Variants in IMPG2 observed in about 807,000 individuals in gnomAD.
IMPG2 encodes interphotoreceptor matrix proteoglycan 2, also known as IPM 200.
IMPG2 carries 91 observed loss-of-function variants against 129.2 expected under a neutral mutation model. That is an observed-to-expected ratio of 0.70 (90% CI 0.59 to 0.84). The LOEUF (loss-of-function observed/expected upper bound fraction) is 0.84, where lower values mean the gene tolerates loss of function less well. IMPG2 is among the 40% of genes least tolerant of loss of function. IMPG2 has a pLI of 0.00. For missense variants in IMPG2, 1,430 were observed against 1,461.7 expected (o/e 0.98, Z 0.35); for synonymous variants, 510 against 517.7 (o/e 0.99, Z 0.20).
chr3:101,275,085 G>A (rs971285938), intron 6 of IMPG2, among the ~76,000 whole-genome samples: 8 of 150,878 alleles, frequency 5.3e-5, no homozygotes, highest in Non-Finnish European at 1.2e-4. Context: ...AACAGGATTT[G>A]TGAACCCCCT....
At chr3:101,295,047 A>C (rs917000225) in intron 3 of IMPG2, among the ~76,000 whole-genome samples, 1 of 152,032 alleles carries the variant, frequency 6.6e-6, no homozygotes, top group Non-Finnish European at 1.5e-5. Context: ...CACTCTAATG[A>C]GAGTTTCTTT....
In IMPG2 at chr3:101,229,399, C is replaced by G. The variant is rs1706260366; in HGVS notation, c.3614G>C (p.Ser1205Thr). Residue 1205 changes from serine (S) to threonine (T), a missense_variant, in exon 17 of 19, where the codon AGC becomes ACC. Coordinates refer to ENST00000193391, the MANE Select transcript of IMPG2 (RefSeq NM_016247.4). ...TCCCACCTCTCTGGAAAGCTCACTGCTCTCATACATCTGTCTGATTTCTTC... is the reference window on the plus strand; with the variant it reads ...TCCCACCTCTCTGGAAAGCTCACTGGTCTCATACATCTGTCTGATTTCTTC... ...SREEIRQMYESSELSREEIQE... is the reference protein window; with the variant it reads ...SREEIRQMYETSELSREEIQE... 6.2e-7 allele frequency: 1 copy of G among 1,609,316 alleles called. No homozygotes were observed. The highest frequency in any genetic ancestry group is 8.5e-7 in the Non-Finnish European group (1 of 1,178,410).
At chr3:101,257,274 C>T (rs1706620933) in intron 10 of IMPG2, among the ~76,000 whole-genome samples, 1 of 152,034 alleles carries the variant, frequency 6.6e-6, no homozygotes, top group Admixed American at 6.6e-5. Context: ...TTATGCTTTG[C>T]TCCTATTTCT....
chr3:101,244,283 C>T lies in IMPG2; in HGVS notation c.2048G>A (p.Ser683Asn). ...TGCGAAGATGGGCACAGCAGGCCCA[C>T]TAAGAGGCTCTTCCTCTGGAAAGTG... ...STHFPEEEPL[S>N]GPAVPIFADT... The change falls in exon 13 of 19, where the codon AGT becomes AAT. Residue 683 changes from serine (S) to asparagine (N), a missense_variant. Coordinates refer to ENST00000193391, the MANE Select transcript of IMPG2 (RefSeq NM_016247.4). The T allele has an allele frequency of 6.2e-7, 1 of 1,614,016 alleles. No individual in the cohort carries two copies. The highest frequency in any genetic ancestry group is 8.5e-7 in the Non-Finnish European group (1 of 1,179,982).
At chr3:101,230,677 C>CCAGCAAATTACCA (rs1240035761) in intron 16 of IMPG2, among the ~76,000 whole-genome samples, 27 of 152,288 alleles carry the variant, frequency 1.8e-4, no homozygotes, top group African/African-American at 6.0e-4. Flanking sequence ...CTCTTTCTCT[C>CCAGCAAATTACCA]CAGCAAATTA....
chr3:101,293,882 G>A (rs555427143), intron 3 of IMPG2, among the ~76,000 whole-genome samples: 9 of 152,154 alleles, frequency 5.9e-5, no homozygotes, highest in Admixed American at 2.6e-4. Flanking sequence ...AAGCTTCCTC[G>A]CCTCTCTCAG....
At chr3:101,319,920 A>G (rs1576776666) in intron 1 of IMPG2, 88 bp from the exon 2 acceptor site, 1 of 1,402,556 alleles carries the variant, frequency 7.1e-7, no homozygotes, top group East Asian at 2.3e-5. Context: ...CTTGGGCTAC[A>G]TTAAGATAGA....
intron 14 of IMPG2, among the ~76,000 whole-genome samples, chr3:101,242,171 G>A (rs1404398388): frequency 6.6e-6 from 1 of 152,114 alleles, no homozygotes; most frequent in Non-Finnish European, 1.5e-5. Flanking sequence ...GAAAAGAAGA[G>A]CTCACTCATA....
chr3:101,253,220 G>A (rs1476612683), intron 11 of IMPG2, among the ~76,000 whole-genome samples: 4 of 152,112 alleles, frequency 2.6e-5, no homozygotes, highest in African/African-American at 9.7e-5. Context: ...CCTGTCATCT[G>A]TCAGCTAGTG....
At chr3:101,258,352 A>G (rs1706635450) in intron 9 of IMPG2, among the ~76,000 whole-genome samples, 1 of 152,106 alleles carries the variant, frequency 6.6e-6, no homozygotes, top group African/African-American at 2.4e-5. Context: ...CTTTTGTTTG[A>G]TAACCTAGAC....
intron 9 of IMPG2, among the ~76,000 whole-genome samples, chr3:101,259,874 T>C (rs1706651579): frequency 6.6e-6 from 1 of 152,106 alleles, no homozygotes; most frequent in African/African-American, 2.4e-5. Flanking sequence ...AAGAAACTTT[T>C]GATTATAACT....
rs1706230535 is a variant in IMPG2 at position 101,226,901 on chromosome 3, A to G, written c.*68T>C. On this transcript the variant is annotated 3_prime_UTR_variant, in exon 19 of 19. Coordinates refer to ENST00000193391, the MANE Select transcript of IMPG2 (RefSeq NM_016247.4). The stretch of plus-strand genomic sequence containing the variant: ...AGTGTTTAAAATCCAGGTTAATTAT[A>G]TGACATAAGTAACAAGTAATCTCCA... 1.3e-6 allele frequency: 2 copies of G among 1,489,216 alleles called. No homozygotes were observed. The highest frequency in any genetic ancestry group is 1.7e-5 in the Admixed American group (1 of 59,332). The allele number at this position is 1,489,216 out of a possible 1,614,324, so 92.3% of individuals were successfully genotyped here. A position where few individuals can be genotyped will look rare whatever the true frequency, so the allele number is the denominator to read the frequency against.
At chr3:101,268,080 G>A (rs1706740710) in intron 8 of IMPG2, among the ~76,000 whole-genome samples, 1 of 152,154 alleles carries the variant, frequency 6.6e-6, no homozygotes, top group African/African-American at 2.4e-5. Context: ...AGATTTATTA[G>A]TATCCTCATA....
At chr3:101,247,680 G>A (rs1314817332) in intron 11 of IMPG2, among the ~76,000 whole-genome samples, 1 of 152,134 alleles carries the variant, frequency 6.6e-6, no homozygotes, top group Non-Finnish European at 1.5e-5. Context: ...ACTCAGAAAT[G>A]TTAACTTAAT....
At chr3:101,293,309 A>G (rs1707041515) in intron 3 of IMPG2, among the ~76,000 whole-genome samples, 2 of 152,224 alleles carry the variant, frequency 1.3e-5, no homozygotes, top group Admixed American at 6.5e-5. Context: ...GGCAGGCATG[A>G]AAACAACATT....
intron 7 of IMPG2, 115 bp from the exon 8 acceptor site, chr3:101,269,688 A>C: frequency 2.9e-6 from 2 of 680,376 alleles, no homozygotes; most frequent in Non-Finnish European, 5.2e-6. Flanking sequence ...TTAGAAGCTT[A>C]TACACTTAGC....
Position 101,292,936 on chromosome 3 carries a change from G to A in IMPG2, c.502-1426C>T, listed in dbSNP as rs540103780. On this transcript the variant is annotated intron_variant, in intron 3 of 18. Coordinates refer to ENST00000193391, the MANE Select transcript of IMPG2 (RefSeq NM_016247.4). ...TTCATTCAAGTATTATTATGAAATT[G>A]TAGCAATTTAGCCTCATCTTCAGGC... Among the ~76,000 whole-genome samples, 16 of 152,256 alleles carry A rather than the reference G, an allele frequency of 1.1e-4. No homozygotes were observed. The South Asian group carries it at 1.7e-3, about 16-fold the overall frequency.
rs756444108 is a variant in IMPG2 at position 101,246,129 on chromosome 3, C to T, written c.1240-24G>A. ...TCCTGGGGGGAAAAAAAGGCTAAATCATATCATAGATAAAAGAAACATATA... is the reference window on the plus strand; with the variant it reads ...TCCTGGGGGGAAAAAAAGGCTAAATTATATCATAGATAAAAGAAACATATA... On this transcript the variant is annotated intron_variant, in intron 11 of 18. Transcript: ENST00000193391. 2.5e-6 allele frequency: 4 copies of T among 1,609,586 alleles called. No homozygotes were observed. In the African/African-American group the frequency reaches 5.4e-5, roughly 22 times the overall value.
chr3:101,257,740 A>G lies in IMPG2; in HGVS notation c.942T>C (p.Asn314=). The change falls in exon 10 of 19, where the codon AAT becomes AAC. Residue 314 remains asparagine, a synonymous_variant. Transcript: ENST00000193391. ...GVDVYYAVTF[N]GEAISNTTWD... ...AGGTGGTATTGCTGATGGCCTCACC[A>G]TTGAAGGTAACTGCATAGTAAACAT... 1 of 1,613,244 alleles carries G rather than the reference A, an allele frequency of 6.2e-7. No individual in the cohort carries two copies. Among genetic ancestry groups the G allele is most frequent in the Non-Finnish European group, 8.5e-7 (1 of 1,179,426 alleles).
Sources: gnomAD v4.1 joint callset for allele counts (sites outside exome capture counted in the v4.1 genomes callset) on GRCh38, gnomAD v4.1.1 for gene constraint, MANE v1.5 for transcripts, NCBI Gene and HGNC (gene_info 2026-07-23, HGNC 2026-07-21) for gene names.